The following PDCD6IP variants were observed in gnomAD, a reference collection of about 807,000 sequenced individuals.
PDCD6IP encodes programmed cell death 6-interacting protein.
Under a neutral mutation model 103.7 loss-of-function variants are expected in PDCD6IP, and 43 were observed. The ratio of observed to expected loss-of-function variants is 0.41; its 90% CI spans 0.32 to 0.53. The LOEUF (loss-of-function observed/expected upper bound fraction) is 0.53, where lower values mean the gene tolerates loss of function less well. PDCD6IP is among the 20% of genes least tolerant of loss of function. The probability of loss-of-function intolerance (pLI) is 0.16; values close to 1 mark genes in which losing one functional copy is unlikely to be tolerated. For synonymous variants in PDCD6IP, 354 were observed against 378.7 expected (o/e 0.93, Z 0.76); for missense variants, 871 against 1,036.7 (o/e 0.84, Z 2.20).
At chr3:33,821,150 C>T (rs984819504) in intron 3 of PDCD6IP, among the ~76,000 whole-genome samples, 7 of 151,652 alleles carry the variant, frequency 4.6e-5, no homozygotes, top group Non-Finnish European at 1.0e-4. Context: ...TAGACATGCA[C>T]CACCATACCT....
At chr3:33,854,043 C>T in intron 14 of PDCD6IP, 30 bp downstream of exon 14, 3 of 1,549,782 alleles carry the variant, frequency 1.9e-6, no homozygotes, top group East Asian at 2.5e-5. Flanking sequence ...GGAACCATAG[C>T]TAGCAAGTAC....
At position 33,867,206 on chromosome 3, in the gene PDCD6IP, G is replaced by A. The variant is rs1019746128; in HGVS notation, c.*681G>A. 6 of 152,100 alleles carry A rather than the reference G, an allele frequency of 3.9e-5. No homozygotes were observed. The highest frequency in any genetic ancestry group is 1.2e-4 in the African/African-American group (5 of 41,424). 9.4% of individuals were successfully genotyped at this position (152,100 alleles called of 1,614,324 possible). On this transcript the variant is annotated 3_prime_UTR_variant, in exon 18 of 18. Coordinates refer to ENST00000307296, the MANE Select transcript of PDCD6IP (RefSeq NM_013374.6). ...ATCTTTCGTATGCTGATTAGTAAACGATTTTTGACATTTATTTTAGAAAGT... is the reference window on the plus strand; with the variant it reads ...ATCTTTCGTATGCTGATTAGTAAACAATTTTTGACATTTATTTTAGAAAGT...
rs149504311 is a variant in PDCD6IP, at chr3:33,813,591, C to T, written c.297C>T (p.Phe99=). The stretch of plus-strand genomic sequence containing the variant: ...TGACATTTACCTGGAAGGATGCTTT[C>T]GATAAAGGTTCACTTTTTGGAGGCT... The part of the protein sequence containing the change: ...ICLTFTWKDA[F]DKGSLFGGSV... The change falls in exon 3 of 18, where the codon TTC becomes TTT. Residue 99 remains phenylalanine (F), a synonymous_variant. Coordinates refer to ENST00000307296, the MANE Select transcript of PDCD6IP (RefSeq NM_013374.6). 3.3e-4 allele frequency: 525 copies of T among 1,609,228 alleles called. 1 individual carries two copies. Among genetic ancestry groups the T allele is most frequent in the Non-Finnish European group, 2.5e-4 (291 of 1,176,254 alleles).
At chr3:33,848,384 AT>A (rs1289645925) in intron 12 of PDCD6IP, among the ~76,000 whole-genome samples, 1 of 151,456 alleles carries the variant, frequency 6.6e-6, no homozygotes, top group East Asian at 1.9e-4. Flanking sequence ...AAAATAGAAG[AT>A]TTTGTTGAGG....
chr3:33,838,463 AT>A, intron 9 of PDCD6IP, 136 bp downstream of exon 9: 1 of 767,542 alleles, frequency 1.3e-6, no homozygotes, highest in Non-Finnish European at 2.1e-6. Flanking sequence ...ACTTACAACT[AT>A]TTTTGTTGGA....
chr3:33,841,730 G>A (rs1344787453), intron 9 of PDCD6IP, among the ~76,000 whole-genome samples, 167 bp from the exon 10 acceptor site: 1 of 152,078 alleles, frequency 6.6e-6, no homozygotes, highest in African/African-American at 2.4e-5. Context: ...GAGCCACCGC[G>A]CCCGGCCTTT....
At position 33,867,235 on chromosome 3, in the gene PDCD6IP, A is replaced by G. The variant is rs1698086123; in HGVS notation, c.*710A>G. 2 of 152,228 alleles carry G rather than the reference A, an allele frequency of 1.3e-5. No homozygotes were observed. The highest frequency in any genetic ancestry group is 2.1e-4 in the South Asian group (1 of 4,832). The allele number at this position is 152,228 out of a possible 1,614,324, so 9.4% of individuals were successfully genotyped here. A position where few individuals can be genotyped will look rare whatever the true frequency, so the allele number is the denominator to read the frequency against. ...TTTGACATTTATTTTAGAAAGTCCT[A>G]TAATGTGGAAGAAACAAACAGTTGC... On this transcript the variant is annotated 3_prime_UTR_variant, in exon 18 of 18. Transcript: ENST00000307296.
At chr3:33,836,008 C>CT (rs34046608) in intron 7 of PDCD6IP, 36 bp from the exon 8 acceptor site, 72,492 of 888,844 alleles carry the variant, frequency 0.082, 170 homozygotes, top group Non-Finnish European at 0.096. Context: ...TCACCTCCCT[C>CT]TTTTTTTTTT....
chr3:33,845,323 A>G, intron 11 of PDCD6IP, 96 bp from the exon 12 acceptor site: 3 of 801,408 alleles, frequency 3.7e-6, no homozygotes, highest in East Asian at 2.7e-5. Flanking sequence ...AGGGGAGGAT[A>G]AGTAAAGTTG....
intron 12 of PDCD6IP, 26 bp from the exon 13 acceptor site, chr3:33,852,462 T>C (rs771239347): frequency 1.5e-6 from 2 of 1,350,348 alleles, no homozygotes; most frequent in East Asian, 6.1e-5. Context: ...TTTTTGCAGT[T>C]AAACTAAGGT....
At chr3:33,799,126 G>A (rs1696408375) in intron 1 of PDCD6IP, 189 bp downstream of exon 1, 1 of 618,400 alleles carries the variant, frequency 1.6e-6, no homozygotes, top group East Asian at 2.8e-5. Context: ...CGCTGTGACT[G>A]CCCGCTTGTC....
intron 1 of PDCD6IP, among the ~76,000 whole-genome samples, chr3:33,804,365 G>C (rs936153964): frequency 1.3e-5 from 2 of 152,150 alleles, no homozygotes; most frequent in African/African-American, 2.4e-5. Context: ...CTCCCACCTG[G>C]CTGTCTCAAT....
chr3:33,799,969 A>G (rs994391383), intron 1 of PDCD6IP, among the ~76,000 whole-genome samples: 9 of 151,810 alleles, frequency 5.9e-5, no homozygotes, highest in East Asian at 1.9e-4. Context: ...AAATACAACA[A>G]ATTAGCCGGG....
At chr3:33,820,164 G>T (rs2125552564) in intron 3 of PDCD6IP, among the ~76,000 whole-genome samples, 1 of 152,238 alleles carries the variant, frequency 6.6e-6, no homozygotes, top group East Asian at 1.9e-4. Flanking sequence ...TGTGCCTGTA[G>T]TCCCAGCTAC....
chr3:33,842,605 T>C (rs987692265), intron 10 of PDCD6IP, among the ~76,000 whole-genome samples: 2 of 152,048 alleles, frequency 1.3e-5, no homozygotes, highest in African/African-American at 4.8e-5. Context: ...TTTTCTCTTG[T>C]GTTCAGTTTT....
In PDCD6IP at chr3:33,798,704, C is replaced by T. The variant is rs371387868; in HGVS notation, c.-25C>T. The T allele has an allele frequency of 7.3e-5, 111 of 1,526,880 alleles. 2 individuals are homozygous for T. In the South Asian group the frequency reaches 1.2e-3, roughly 16 times the overall value. 94.6% of individuals were successfully genotyped at this position (1,526,880 alleles called of 1,614,324 possible). A position where few individuals can be genotyped will look rare whatever the true frequency, so the allele number is the denominator to read the frequency against. On this transcript the variant is annotated 5_prime_UTR_variant, in exon 1 of 18. Transcript: ENST00000307296. ...GTAAGCTGTCCGCGGTCTGTTTGGC[C>T]CGAACGGCGGCGGAGGCGCTGATCA...
At chr3:33,818,296 C>T (rs548509937) in intron 3 of PDCD6IP, among the ~76,000 whole-genome samples, 76 of 150,440 alleles carry the variant, frequency 5.1e-4, no homozygotes, top group African/African-American at 1.4e-3. Context: ...TTAGTAGAGA[C>T]GGGGTTTCAC....
chr3:33,865,960 T>C (rs1698054269), intron 17 of PDCD6IP, among the ~76,000 whole-genome samples: 1 of 152,214 alleles, frequency 6.6e-6, no homozygotes, highest in Non-Finnish European at 1.5e-5. Flanking sequence ...CTGCCAAATA[T>C]TAGAACTTTA....
intron 15 of PDCD6IP, among the ~76,000 whole-genome samples, chr3:33,862,330 G>A (rs999126190): frequency 6.6e-6 from 1 of 152,030 alleles, no homozygotes; most frequent in African/African-American, 2.4e-5. Context: ...GATGCGGACA[G>A]TGTGGGGCTT....
Sources: allele counts gnomAD v4.1 joint callset (sites outside exome capture counted in the v4.1 genomes callset), GRCh38; gene constraint gnomAD v4.1.1; transcripts MANE v1.5; gene names NCBI Gene and HGNC (gene_info 2026-07-23, HGNC 2026-07-21).